Variants in SUGCT observed in about 807,000 individuals in gnomAD.
SUGCT encodes the protein succinyl-CoA:glutarate CoA-transferase.
In SUGCT, 41 loss-of-function variants were observed where a neutral mutation model predicts 55.0. The ratio of observed to expected loss-of-function variants is 0.74; its 90% CI spans 0.58 to 0.97. The LOEUF (loss-of-function observed/expected upper bound fraction) is 0.97. Among genes scored for constraint, SUGCT ranks in the 50% least tolerant of loss-of-function variants. SUGCT has a pLI of 0.00. For missense variants in SUGCT, 568 were observed against 547.8 expected (o/e 1.04, Z -0.37); for synonymous variants, 187 against 200.4 (o/e 0.93, Z 0.56).
chr7:40,961,012 C>G, the SUGCT span, among the ~76,000 whole-genome samples: 1 of 152,172 alleles, frequency 6.6e-6, no homozygotes, highest in Non-Finnish European at 1.5e-5. Context: ...GATTGGAAGA[C>G]TCTCTTAAGA....
chr7:40,784,656 T>G (rs988124346), intron 13 of SUGCT, among the ~76,000 whole-genome samples: 1 of 152,170 alleles, frequency 6.6e-6, no homozygotes, highest in African/African-American at 2.4e-5. Context: ...ATGCTAAAAT[T>G]ACCCTAACAT....
chr7:41,025,252 A>G, the SUGCT span, among the ~76,000 whole-genome samples: 1 of 152,244 alleles, frequency 6.6e-6, no homozygotes, highest in African/African-American at 2.4e-5. Context: ...GATGTCAAAG[A>G]AATATGGCAA....
At chr7:40,518,815 G>A (rs1379402129) in intron 12 of SUGCT, among the ~76,000 whole-genome samples, 2 of 151,862 alleles carry the variant, frequency 1.3e-5, no homozygotes, top group African/African-American at 4.8e-5. Context: ...AATGGCCAAA[G>A]TTAGATCAAA....
chr7:40,440,888 T>C (rs1454183742), intron 9 of SUGCT, among the ~76,000 whole-genome samples: 1 of 151,964 alleles, frequency 6.6e-6, no homozygotes, highest in East Asian at 1.9e-4. Context: ...AACCTAGCAG[T>C]TTGAGACTGC....
rs568626405 is a variant in SUGCT, at chr7:40,625,346, C to G, written c.1090-124088C>G. Among the ~76,000 whole-genome samples, 408 of 152,122 alleles carry G rather than the reference C, an allele frequency of 2.7e-3. 5 individuals are homozygous for G. The highest frequency in any genetic ancestry group is 9.2e-3 in the African/African-American group (383 of 41,496). On this transcript the variant is annotated intron_variant, in intron 12 of 13. Coordinates refer to ENST00000335693, the MANE Select transcript of SUGCT (RefSeq NM_001193313.2). Reference sequence around the variant, plus strand: ...AGGGCAGTAGGTGAAGGTTTATATCCCAGCAAAACATTTAAATAGGGTATC... The same window carrying G: ...AGGGCAGTAGGTGAAGGTTTATATCGCAGCAAAACATTTAAATAGGGTATC...
At chr7:40,956,413 G>A in the SUGCT span, among the ~76,000 whole-genome samples, 4 of 152,168 alleles carry the variant, frequency 2.6e-5, no homozygotes, top group South Asian at 4.1e-4. Flanking sequence ...GTTTATTCAG[G>A]TAGAGGTGTT....
intron 9 of SUGCT, among the ~76,000 whole-genome samples, chr7:40,424,403 C>T (rs1787476001): frequency 6.6e-6 from 1 of 152,074 alleles, no homozygotes; most frequent in Admixed American, 6.6e-5. Context: ...TAAGCACTGC[C>T]TGAATAATCT....
At chr7:40,272,095 C>CTCTCTCTATA (rs1554299494) in intron 7 of SUGCT, among the ~76,000 whole-genome samples, 3 of 85,414 alleles carry the variant, frequency 3.5e-5, no homozygotes, top group Admixed American at 1.3e-4. Context: ...CTCTCTCTCT[C>CTCTCTCTATA]TATATATATA....
At chr7:40,180,471 G>A (rs578007456) in intron 1 of SUGCT, among the ~76,000 whole-genome samples, 2 of 151,846 alleles carry the variant, frequency 1.3e-5, no homozygotes, top group East Asian at 3.9e-4. Context: ...AGGACAGAAT[G>A]CCTACTGTAT....
intron 12 of SUGCT, among the ~76,000 whole-genome samples, chr7:40,505,222 T>C (rs1201919750): frequency 6.6e-6 from 1 of 152,196 alleles, no homozygotes; most frequent in Non-Finnish European, 1.5e-5. Flanking sequence ...ATCCTTTTAT[T>C]TCCAACCTGT....
At chr7:40,309,411 C>T (rs887987099) in intron 8 of SUGCT, among the ~76,000 whole-genome samples, 30 of 152,116 alleles carry the variant, frequency 2.0e-4, no homozygotes, top group Non-Finnish European at 5.9e-5. Context: ...TCTCCTGCCT[C>T]AGCCTTCCGT....
chr7:40,189,442 G>A (rs1485773514), intron 4 of SUGCT, 102 bp from the exon 5 acceptor site: 3 of 234,538 alleles, frequency 1.3e-5, no homozygotes, highest in African/African-American at 2.5e-5. Flanking sequence ...GGGGATACAT[G>A]TGCATGTTTG....
chr7:40,452,254 A>C (rs1023398179), intron 10 of SUGCT, among the ~76,000 whole-genome samples: 1 of 152,232 alleles, frequency 6.6e-6, no homozygotes, highest in African/African-American at 2.4e-5. Context: ...TGATACAGCA[A>C]AGTATGAAAG....
chr7:41,010,233 C>A, the SUGCT span, among the ~76,000 whole-genome samples: 1 of 152,220 alleles, frequency 6.6e-6, no homozygotes, highest in Non-Finnish European at 1.5e-5. Context: ...AGTGGAGCCC[C>A]AGAACCTGGC....
intron 12 of SUGCT, among the ~76,000 whole-genome samples, chr7:40,511,944 A>T (rs1412948076): frequency 6.6e-6 from 1 of 152,204 alleles, no homozygotes; most frequent in Non-Finnish European, 1.5e-5. Flanking sequence ...AGACAGCTAC[A>T]CACTCAATCA....
At chr7:40,905,225 T>A in the SUGCT span, among the ~76,000 whole-genome samples, 1 of 152,186 alleles carries the variant, frequency 6.6e-6, no homozygotes, top group African/African-American at 2.4e-5. Context: ...TACCTGCCAT[T>A]TCCAAGCAGC....
At chr7:40,493,170 T>C in intron 11 of SUGCT, among the ~76,000 whole-genome samples, 1 of 152,204 alleles carries the variant, frequency 6.6e-6, no homozygotes, top group East Asian at 1.9e-4. Context: ...AGTTAAGCAG[T>C]CTCAGCTTTA....
intron 11 of SUGCT, among the ~76,000 whole-genome samples, chr7:40,494,293 C>A (rs1266365603): frequency 6.6e-6 from 1 of 152,112 alleles, no homozygotes; most frequent in Non-Finnish European, 1.5e-5. Flanking sequence ...GTAATTGACA[C>A]CCTATTCGAA....
intron 12 of SUGCT, among the ~76,000 whole-genome samples, chr7:40,728,958 GA>G: frequency 6.6e-6 from 1 of 152,276 alleles, no homozygotes; most frequent in African/African-American, 2.4e-5. Flanking sequence ...CAATATCCTT[GA>G]AAGCAGGTTA....
Sources: allele counts gnomAD v4.1 joint callset (sites outside exome capture counted in the v4.1 genomes callset), GRCh38; gene constraint gnomAD v4.1.1; transcripts MANE v1.5; gene names NCBI Gene and HGNC (gene_info 2026-07-23, HGNC 2026-07-21).